The following ACTR3C variants were observed in gnomAD, a reference collection of about 807,000 sequenced individuals.
The protein encoded by ACTR3C is actin-related protein 3C.
ACTR3C carries 18 observed loss-of-function variants against 26.3 expected under a neutral mutation model. That is an observed-to-expected ratio of 0.68 (90% CI 0.47 to 1.01). The LOEUF is 1.01. Among genes scored for constraint, ACTR3C ranks in the 50% least tolerant of loss-of-function variants. The pLI, the probability that ACTR3C is intolerant of heterozygous loss-of-function variation, is 0.00. For synonymous variants in ACTR3C, 55 were observed against 94.5 expected, an observed-to-expected ratio of 0.58 and a Z score of 2.42; for missense variants, 184 against 250.7, an observed-to-expected ratio of 0.73 and a Z score of 1.80.
the ACTR3C span, among the ~76,000 whole-genome samples, chr7:150,003,929 G>C: frequency 2.0e-5 from 3 of 151,518 alleles, no homozygotes; most frequent in African/African-American, 7.3e-5. Context: ...GTGGTATGTA[G>C]GTTGTGTGGC....
chr7:150,176,799 A>C, the ACTR3C span, among the ~76,000 whole-genome samples: 1 of 151,076 alleles, frequency 6.6e-6, no homozygotes, highest in South Asian at 2.1e-4. Context: ...CGGGGATCTT[A>C]TTGAATTCAA....
chr7:149,922,849 G>A, the ACTR3C span, among the ~76,000 whole-genome samples: 2 of 152,046 alleles, frequency 1.3e-5, no homozygotes. Flanking sequence ...GTTGTAAGGG[G>A]AAGAGTATAG....
chr7:149,915,435 ATAT>A, the ACTR3C span, among the ~76,000 whole-genome samples: 1 of 152,130 alleles, frequency 6.6e-6, no homozygotes. Flanking sequence ...CTTAAAAATA[ATAT>A]TGCTCTTTAA....
the ACTR3C span, among the ~76,000 whole-genome samples, chr7:150,200,608 G>T: frequency 6.6e-6 from 1 of 152,116 alleles, no homozygotes; most frequent in African/African-American, 2.4e-5. Flanking sequence ...ATCCAGAAGG[G>T]TGATAACATC....
the ACTR3C span, among the ~76,000 whole-genome samples, chr7:150,035,163 AG>A: frequency 8.0e-5 from 10 of 125,744 alleles, no homozygotes; most frequent in South Asian, 2.7e-4. Context: ...GTCCTAAGCC[AG>A]GGGGGGAAGA....
chr7:150,048,026 C>A, the ACTR3C span, among the ~76,000 whole-genome samples: 2 of 152,172 alleles, frequency 1.3e-5, no homozygotes, highest in African/African-American at 2.4e-5. Flanking sequence ...ACTCGCGAGT[C>A]TCCGCTGGCG....
At chr7:150,268,048 A>G (rs1584879151) in intron 6 of ACTR3C, among the ~76,000 whole-genome samples, 1 of 152,176 alleles carries the variant, frequency 6.6e-6, no homozygotes, top group Non-Finnish European at 1.5e-5. Context: ...GGCCACTCTG[A>G]GTTGAGAGGG....
At chr7:149,922,830 T>C in the ACTR3C span, among the ~76,000 whole-genome samples, 2 of 152,030 alleles carry the variant, frequency 1.3e-5, no homozygotes, top group African/African-American at 4.8e-5. Flanking sequence ...AAATGAAGCT[T>C]TTATGGCAGT....
At chr7:150,109,720 AT>A in the ACTR3C span, among the ~76,000 whole-genome samples, 1 of 150,326 alleles carries the variant, frequency 6.7e-6, no homozygotes, top group Non-Finnish European at 1.5e-5. Context: ...GTATCCTCAC[AT>A]TTTTGTGGGG....
intron 1 of ACTR3C, among the ~76,000 whole-genome samples, chr7:150,316,867 T>G (rs1796979786): frequency 6.6e-6 from 1 of 152,204 alleles, no homozygotes; most frequent in Admixed American, 6.5e-5. Flanking sequence ...AGAACCGATA[T>G]CTTTTAGATA....
chr7:150,113,406 T>C, the ACTR3C span, among the ~76,000 whole-genome samples: 1 of 152,016 alleles, frequency 6.6e-6, no homozygotes, highest in African/African-American at 2.4e-5. Context: ...TTTTGTTCTA[T>C]GACTACACAA....
chr7:150,307,875 T>C lies in ACTR3C; in HGVS notation c.-51-12528A>G, dbSNP rs80062731. On this transcript the variant is annotated intron_variant, in intron 1 of 7. Coordinates refer to ENST00000683684, the MANE Select transcript of ACTR3C (RefSeq NM_001164458.2). Reference sequence around the variant, plus strand: ...AGTGGCCTCTTTTTATTCTCTTCTCTAACCTCTGTCGCTATCCCTCAACCT... The same window carrying C: ...AGTGGCCTCTTTTTATTCTCTTCTCCAACCTCTGTCGCTATCCCTCAACCT... Among the ~76,000 whole-genome samples the C allele has an allele frequency of 6.7e-3, 1,021 of 152,310 alleles. 17 individuals carry two copies. Among genetic ancestry groups the C allele is most frequent in the African/African-American group, 0.023 (937 of 41,548 alleles).
the ACTR3C span, among the ~76,000 whole-genome samples, chr7:150,191,737 G>A: frequency 2.0e-5 from 3 of 152,072 alleles, no homozygotes; most frequent in Admixed American, 6.5e-5. Context: ...GTGGTAATAA[G>A]TAAATAAAAT....
intron 6 of ACTR3C, among the ~76,000 whole-genome samples, chr7:150,277,114 T>C (rs1834946149): frequency 6.6e-6 from 1 of 152,174 alleles, no homozygotes; most frequent in East Asian, 1.9e-4. Flanking sequence ...TGCCTGAGTT[T>C]CCAGCCTGCC....
the ACTR3C span, among the ~76,000 whole-genome samples, chr7:149,946,210 T>C: frequency 6.6e-6 from 1 of 152,220 alleles, no homozygotes; most frequent in Admixed American, 6.5e-5. Context: ...CTCTCAGGCC[T>C]GGGAATGGAG....
At chr7:150,155,810 T>C in the ACTR3C span, among the ~76,000 whole-genome samples, 2 of 143,188 alleles carry the variant, frequency 1.4e-5, no homozygotes, top group Non-Finnish European at 3.0e-5. Context: ...CCCTCTCTGC[T>C]CATTCCTCCT....
chr7:150,120,989 G>C, the ACTR3C span, among the ~76,000 whole-genome samples: 31 of 151,822 alleles, frequency 2.0e-4, no homozygotes, highest in Non-Finnish European at 3.5e-4. Flanking sequence ...CAAAAACCAC[G>C]ATTATCTCAA....
At chr7:150,118,024 A>T in the ACTR3C span, among the ~76,000 whole-genome samples, 1 of 152,194 alleles carries the variant, frequency 6.6e-6, no homozygotes, top group African/African-American at 2.4e-5. Context: ...TAACAAACAG[A>T]AAGGAATAGC....
At chr7:150,199,682 G>A in the ACTR3C span, among the ~76,000 whole-genome samples, 3 of 33,268 alleles carry the variant, frequency 9.0e-5, no homozygotes, top group Admixed American at 3.3e-4. Context: ...AATAGTACAA[G>A]AAAAGTAAAA....
Sources: gnomAD v4.1 joint callset for allele counts (sites outside exome capture counted in the v4.1 genomes callset) on GRCh38, gnomAD v4.1.1 for gene constraint, MANE v1.5 for transcripts, NCBI Gene and HGNC (gene_info 2026-07-23, HGNC 2026-07-21) for gene names.